SORCS1: variants seen among roughly 807,000 people sequenced by gnomAD.
SORCS1 encodes sortilin related VPS10 domain containing receptor 1.
SORCS1 carries 60 observed loss-of-function variants against 146.1 expected under a neutral mutation model. The observed-to-expected ratio is 0.41, with a 90% CI of 0.33 to 0.51. SORCS1 has a LOEUF of 0.51. SORCS1 is among the 20% of genes least tolerant of loss of function. The probability of loss-of-function intolerance (pLI) is 0.21; values close to 1 mark genes in which losing one functional copy is unlikely to be tolerated. For missense variants in SORCS1, 1,352 were observed against 1,487.6 expected (o/e 0.91, Z 1.50); for synonymous variants, 637 against 584.0 (o/e 1.09, Z -1.31).
At chr10:106,969,643 G>T (rs925683752) in intron 1 of SORCS1, among the ~76,000 whole-genome samples, 2 of 152,204 alleles carry the variant, frequency 1.3e-5, no homozygotes, top group Non-Finnish European at 2.9e-5. Flanking sequence ...ACTAGCCCAA[G>T]AAATTAGATC....
chr10:106,914,527 T>C (rs919268550), intron 2 of SORCS1, among the ~76,000 whole-genome samples: 1 of 152,138 alleles, frequency 6.6e-6, no homozygotes, highest in African/African-American at 2.4e-5. Flanking sequence ...CAGAACCAAG[T>C]AAGACTGTGA....
At chr10:106,920,997 C>A (rs558691531) in intron 2 of SORCS1, among the ~76,000 whole-genome samples, 2 of 152,286 alleles carry the variant, frequency 1.3e-5, no homozygotes, top group African/African-American at 4.8e-5. Flanking sequence ...AAAACACTCC[C>A]ATTTTTCCAG....
chr10:106,666,148 G>A (rs1232364535), intron 17 of SORCS1, among the ~76,000 whole-genome samples: 2 of 152,056 alleles, frequency 1.3e-5, no homozygotes, highest in African/African-American at 4.8e-5. Flanking sequence ...CCACTTCTAT[G>A]TATTTTTAAA....
intron 5 of SORCS1, among the ~76,000 whole-genome samples, chr10:106,735,312 G>C: frequency 6.6e-6 from 1 of 152,100 alleles, no homozygotes; most frequent in East Asian, 1.9e-4. Flanking sequence ...TATTTAGTCA[G>C]TGAAACATTC....
At chr10:107,044,576 C>A (rs1812670629) in intron 1 of SORCS1, among the ~76,000 whole-genome samples, 1 of 141,262 alleles carries the variant, frequency 7.1e-6, no homozygotes, top group South Asian at 2.2e-4. Flanking sequence ...GTAATCCTAG[C>A]ACTTTGGGAG....
chr10:106,793,456 T>A (rs2245123), intron 3 of SORCS1, among the ~76,000 whole-genome samples: 2 of 152,040 alleles, frequency 1.3e-5, no homozygotes, highest in South Asian at 4.1e-4. Context: ...AACCTATTTA[T>A]TCAGGGGCAT....
chr10:107,064,585 G>A (rs1961562484), intron 1 of SORCS1, among the ~76,000 whole-genome samples: 1 of 152,132 alleles, frequency 6.6e-6, no homozygotes, highest in Non-Finnish European at 1.5e-5. Context: ...TTATATGCTG[G>A]AGTTTTATTC....
chr10:106,944,870 C>G (rs1230309491), intron 2 of SORCS1, among the ~76,000 whole-genome samples: 9 of 51,816 alleles, frequency 1.7e-4, no homozygotes, highest in African/African-American at 5.3e-4. Flanking sequence ...CAAGAAAGAG[C>G]CTTCTTTTTT....
intron 2 of SORCS1, among the ~76,000 whole-genome samples, chr10:106,924,493 C>CTATG (rs1159284335): frequency 3.3e-5 from 5 of 152,046 alleles, no homozygotes; most frequent in African/African-American, 1.2e-4. Context: ...ATCTATCTAT[C>CTATG]TATCTATCTA....
At chr10:106,637,994 G>T (rs1024152302) in intron 18 of SORCS1, among the ~76,000 whole-genome samples, 1 of 152,316 alleles carries the variant, frequency 6.6e-6, no homozygotes, top group Admixed American at 6.5e-5. Flanking sequence ...TACTTAGCTT[G>T]TGTAAGCAGA....
intron 17 of SORCS1, among the ~76,000 whole-genome samples, chr10:106,658,413 C>A (rs1469008698): frequency 1.3e-5 from 2 of 151,980 alleles, no homozygotes; most frequent in Non-Finnish European, 2.9e-5. Context: ...GAAACTGGAA[C>A]TCTAGGTCTT....
rs923037690 is a variant in SORCS1 at position 106,696,060 on chromosome 10, T to G, written c.1413+3154A>C. ...TGATACACAGATCCATCTACATGTT[T>G]ATACATTATACAGTTCACCTCTGCT... On this transcript the variant is annotated intron_variant, in intron 9 of 25. Coordinates refer to ENST00000263054, the MANE Select transcript of SORCS1 (RefSeq NM_052918.5). Among the ~76,000 whole-genome samples the G allele has an allele frequency of 1.8e-4, 27 of 152,320 alleles. No individual in the cohort carries two copies. In the East Asian group the frequency reaches 5.0e-3, roughly 28 times the overall value.
intron 1 of SORCS1, among the ~76,000 whole-genome samples, chr10:107,145,846 AATT>A (rs1158378919): frequency 6.6e-6 from 1 of 152,232 alleles, no homozygotes; most frequent in Non-Finnish European, 1.5e-5. Context: ...TGAGAGAAGA[AATT>A]ATTATAAAAA....
chr10:106,779,538 A>C (rs949276933), intron 3 of SORCS1, among the ~76,000 whole-genome samples: 1 of 141,488 alleles, frequency 7.1e-6, no homozygotes. Flanking sequence ...GTTTGACATT[A>C]TGGCCCATAT....
intron 1 of SORCS1, among the ~76,000 whole-genome samples, chr10:106,984,952 C>A (rs1463654950): frequency 6.6e-6 from 1 of 151,986 alleles, no homozygotes; most frequent in African/African-American, 2.4e-5. Context: ...CTTTGGGAGG[C>A]TGAGGTGGCC....
chr10:107,163,412 T>G (rs1969853912), intron 1 of SORCS1, among the ~76,000 whole-genome samples: 1 of 152,138 alleles, frequency 6.6e-6, no homozygotes, highest in African/African-American at 2.4e-5. Flanking sequence ...ATCCACTTGG[T>G]CCCTAAAGCA....
At chr10:107,073,425 C>T (rs559388133) in intron 1 of SORCS1, among the ~76,000 whole-genome samples, 6 of 152,250 alleles carry the variant, frequency 3.9e-5, no homozygotes, top group African/African-American at 9.6e-5. Flanking sequence ...CTCAAGGATT[C>T]TGCCCTCTAA....
chr10:107,164,364 C>A lies in SORCS1; in HGVS notation c.163G>T (p.Gly55Cys). The A allele has an allele frequency of 1.3e-6, 2 of 1,496,914 alleles. No homozygotes were observed. Among genetic ancestry groups the A allele is most frequent in the Non-Finnish European group, 1.8e-6 (2 of 1,126,346 alleles). The allele number at this position is 1,496,914 out of a possible 1,614,324, so 92.7% of individuals were successfully genotyped here. Residue 55 changes from glycine to cysteine, a missense_variant, in exon 1 of 26, where the codon GGC becomes TGC. By Grantham distance (159) the Gly-to-Cys change is radical. Transcript: ENST00000263054. This position sits in a 1 kb window ranked among gnomAD's most constrained non-coding sequence, Gnocchi z 6.8. ...SAPRSASTPR[G>C]FSHQGRPGRA... ...CCTGGCCGCCCCTGGTGGGAAAAGC[C>A]CCTAGGGGTCGAGGCCGAGCGTGGA...
intron 4 of SORCS1, among the ~76,000 whole-genome samples, chr10:106,767,597 C>T (rs949404064): frequency 3.3e-5 from 5 of 151,992 alleles, no homozygotes; most frequent in Non-Finnish European, 7.4e-5. Flanking sequence ...CAAGAGATTC[C>T]CCTGCCTCAG....
Sources: allele counts gnomAD v4.1 joint callset (sites outside exome capture counted in the v4.1 genomes callset), GRCh38; gene constraint gnomAD v4.1.1; non-coding constraint Gnocchi (gnomAD v3.1); transcripts MANE v1.5; gene names NCBI Gene and HGNC (gene_info 2026-07-23, HGNC 2026-07-21).